Variants in ATAD2B observed in about 807,000 individuals in gnomAD.
The protein encoded by ATAD2B is ATPase family AAA domain-containing protein 2B.
In ATAD2B, 40 loss-of-function variants were observed where a neutral mutation model predicts 167.6. The ratio of observed to expected loss-of-function variants is 0.24; its 90% CI spans 0.19 to 0.31. ATAD2B has a LOEUF of 0.31. Among genes scored for constraint, ATAD2B ranks in the 10% least tolerant of loss-of-function variants. The probability of loss-of-function intolerance (pLI) is 1.00; values close to 1 mark genes in which losing one functional copy is unlikely to be tolerated. For missense variants in ATAD2B, 1,242 were observed against 1,757.2 expected (o/e 0.71, Z 5.24); for synonymous variants, 579 against 596.5 (o/e 0.97, Z 0.43).
At chr2:23,914,840 CAA>C (rs375215142) in intron 1 of ATAD2B, among the ~76,000 whole-genome samples, 21 of 82,668 alleles carry the variant, frequency 2.5e-4, no homozygotes, top group Admixed American at 6.7e-4. Context: ...GACTCCGTCT[CAA>C]AAAAAAAAAA....
At chr2:23,834,684 T>C (rs1325535940) in intron 13 of ATAD2B, among the ~76,000 whole-genome samples, 1 of 150,598 alleles carries the variant, frequency 6.6e-6, no homozygotes, top group Non-Finnish European at 1.5e-5. Context: ...TTGTAAATCA[T>C]ATATTTGATA....
At chr2:23,860,529 T>C (rs1450296034) in intron 12 of ATAD2B, among the ~76,000 whole-genome samples, 1 of 152,188 alleles carries the variant, frequency 6.6e-6, no homozygotes, top group East Asian at 1.9e-4. Flanking sequence ...TATCATATAA[T>C]TTACTCAAAT....
At chr2:23,764,210 T>C (rs989049798) in intron 23 of ATAD2B, among the ~76,000 whole-genome samples, 2 of 152,254 alleles carry the variant, frequency 1.3e-5, no homozygotes, top group Non-Finnish European at 2.9e-5. Context: ...GCTTTTAAAC[T>C]GATCTTTCAT....
chr2:23,843,089 G>C (rs981721220), intron 13 of ATAD2B, among the ~76,000 whole-genome samples: 6 of 152,130 alleles, frequency 3.9e-5, no homozygotes, highest in Non-Finnish European at 7.4e-5. Context: ...AGCAACTATT[G>C]TAACGAAGCT....
At chr2:23,735,383 G>A in the ATAD2B span, among the ~76,000 whole-genome samples, 7 of 152,266 alleles carry the variant, frequency 4.6e-5, no homozygotes, top group East Asian at 5.8e-4. Flanking sequence ...TGAATGGAAC[G>A]GTCACTAATA....
In ATAD2B at chr2:23,918,202, CA is replaced by C. The variant is rs35163952; in HGVS notation, c.216+8352del. 8.5e-3 allele frequency among the ~76,000 whole-genome samples: 814 copies of C among 95,946 alleles called. 2 individuals carry two copies. The highest frequency in any genetic ancestry group is 0.027 in the African/African-American group (622 of 23,178). 62.9% of individuals were successfully genotyped at this position (95,946 alleles called of 152,430 possible). A position where few individuals can be genotyped will look rare whatever the true frequency, so the allele number is the denominator to read the frequency against. ...GCAACATAGCAAAACCTTGTCTCTA[CA>C]AAAAAAAAAAAAAAAAAAAATAGCC... On this transcript the variant is annotated intron_variant, in intron 1 of 27. Transcript: ENST00000238789.
intron 12 of ATAD2B, among the ~76,000 whole-genome samples, chr2:23,861,478 T>TAA (rs201161040): frequency 2.3e-5 from 3 of 131,548 alleles, no homozygotes; most frequent in Non-Finnish European, 1.6e-5. Context: ...AATCTTTCAT[T>TAA]AAAAAAAAAA....
the ATAD2B span, among the ~76,000 whole-genome samples, chr2:23,709,172 GC>G: frequency 1.3e-5 from 2 of 152,234 alleles, no homozygotes; most frequent in South Asian, 4.2e-4. Flanking sequence ...CTCCTGAGTA[GC>G]TGGGATTACA....
At chr2:23,813,198 T>G (rs953081395) in intron 17 of ATAD2B, among the ~76,000 whole-genome samples, 1 of 151,828 alleles carries the variant, frequency 6.6e-6, no homozygotes, top group Admixed American at 6.6e-5. Context: ...GCCTAGGAAA[T>G]GATTAATTGT....
chr2:23,790,594 C>G (rs1431041939), intron 19 of ATAD2B, among the ~76,000 whole-genome samples: 1 of 152,168 alleles, frequency 6.6e-6, no homozygotes, highest in Non-Finnish European at 1.5e-5. Flanking sequence ...ATAAATTATA[C>G]TTCTCTAAGT....
intron 1 of ATAD2B, among the ~76,000 whole-genome samples, chr2:23,908,739 A>C (rs1701831280): frequency 6.6e-6 from 1 of 152,234 alleles, no homozygotes; most frequent in East Asian, 1.9e-4. Context: ...AACCAACCCA[A>C]ATGTCCAACA....
At chr2:23,827,083 A>G (rs1007131645) in intron 15 of ATAD2B, among the ~76,000 whole-genome samples, 1 of 149,634 alleles carries the variant, frequency 6.7e-6, no homozygotes, top group South Asian at 2.1e-4. Context: ...TCTGAATTTG[A>G]TTTTTTTTTT....
At chr2:23,829,776 A>G (rs1476863788) in intron 14 of ATAD2B, among the ~76,000 whole-genome samples, 1 of 152,152 alleles carries the variant, frequency 6.6e-6, no homozygotes, top group East Asian at 1.9e-4. Context: ...AAAAAAATCA[A>G]GCATATTATT....
intron 13 of ATAD2B, among the ~76,000 whole-genome samples, chr2:23,847,998 A>G (rs538892611): frequency 6.6e-6 from 1 of 151,794 alleles, no homozygotes; most frequent in South Asian, 2.1e-4. Context: ...ATCCCAAAAA[A>G]AAAAAAAAAA....
intron 8 of ATAD2B, among the ~76,000 whole-genome samples, chr2:23,874,396 T>A (rs991453273): frequency 9.2e-5 from 14 of 151,650 alleles, no homozygotes; most frequent in Non-Finnish European, 1.3e-4. Context: ...AAGCACAAAA[T>A]AAAAAACAAG....
chr2:23,853,426 G>C (rs563207402), intron 13 of ATAD2B, among the ~76,000 whole-genome samples: 61 of 152,074 alleles, frequency 4.0e-4, no homozygotes, highest in Non-Finnish European at 4.0e-4. Context: ...CCAGCAGTAA[G>C]CAATTAGAAA....
At chr2:23,828,405 C>T (rs1458854065) in intron 15 of ATAD2B, among the ~76,000 whole-genome samples, 1 of 152,070 alleles carries the variant, frequency 6.6e-6, no homozygotes, top group Non-Finnish European at 1.5e-5. Context: ...CTTTGAAGAC[C>T]TCTCCCACCC....
At chr2:23,685,165 T>A in the ATAD2B span, 1 of 152,374 alleles carries the variant, frequency 6.6e-6, no homozygotes, top group Non-Finnish European at 1.5e-5. Flanking sequence ...ACGGTCTCTC[T>A]CAACCCTTGC....
intron 1 of ATAD2B, among the ~76,000 whole-genome samples, chr2:23,901,619 G>T (rs1346292338): frequency 6.6e-6 from 1 of 151,966 alleles, no homozygotes; most frequent in African/African-American, 2.4e-5. Flanking sequence ...CTGGAAATTT[G>T]TTCACAAATT....
Sources: gnomAD v4.1 joint callset for allele counts (sites outside exome capture counted in the v4.1 genomes callset) on GRCh38, gnomAD v4.1.1 for gene constraint, MANE v1.5 for transcripts, NCBI Gene and HGNC (gene_info 2026-07-23, HGNC 2026-07-21) for gene names.